Variants in ARHGAP26 observed in about 807,000 individuals in gnomAD.
ARHGAP26 encodes the protein Rho GTPase activating protein 26.
Under a neutral mutation model 104.8 loss-of-function variants are expected in ARHGAP26, and 38 were observed. That is an observed-to-expected ratio of 0.36 (90% confidence interval 0.28 to 0.48). The LOEUF is 0.48. Ranked by LOEUF, ARHGAP26 falls within the 20% of genes least tolerant of loss-of-function variation. ARHGAP26 has a pLI of 0.99. For missense variants in ARHGAP26, 704 were observed against 947.9 expected, an observed-to-expected ratio of 0.74 and a Z score of 3.38; for synonymous variants, 341 against 340.0, an observed-to-expected ratio of 1.00 and a Z score of -0.03.
At chr5:143,064,399 C>CTT (rs764782489) in intron 17 of ARHGAP26, among the ~76,000 whole-genome samples, 35 of 138,414 alleles carry the variant, frequency 2.5e-4, no homozygotes, top group Middle Eastern at 3.8e-3. Context: ...TTGACTGGCT[C>CTT]TTTTTTTTTT....
intron 11 of ARHGAP26, among the ~76,000 whole-genome samples, chr5:142,967,217 C>T (rs1252410764): frequency 2.6e-5 from 4 of 152,102 alleles, no homozygotes; most frequent in South Asian, 2.1e-4. Flanking sequence ...AAATTGACCA[C>T]ATATGTATAA....
chr5:142,869,844 A>C (rs1228391533), intron 1 of ARHGAP26, among the ~76,000 whole-genome samples: 1 of 152,188 alleles, frequency 6.6e-6, no homozygotes, highest in Non-Finnish European at 1.5e-5. Context: ...CTCCAAGAAA[A>C]GAAGGGCACT....
intron 17 of ARHGAP26, among the ~76,000 whole-genome samples, chr5:143,077,700 C>T (rs1460936315): frequency 1.3e-5 from 2 of 152,218 alleles, no homozygotes; most frequent in Non-Finnish European, 2.9e-5. Flanking sequence ...TGGAAAGTCT[C>T]TCTTGAGGAT....
chr5:142,926,517 T>A (rs1384637398), intron 10 of ARHGAP26, among the ~76,000 whole-genome samples: 2 of 152,222 alleles, frequency 1.3e-5, no homozygotes, highest in African/African-American at 2.4e-5. Flanking sequence ...TGGCAGATTT[T>A]TTAGAATTTG....
chr5:142,860,182 A>G (rs1369061370), intron 1 of ARHGAP26: 1 of 152,224 alleles, frequency 6.6e-6, no homozygotes, highest in African/African-American at 2.4e-5. Flanking sequence ...ACAAGTTCAA[A>G]GATAAAATTA....
chr5:142,895,184 T>C (rs1163898193), intron 6 of ARHGAP26, among the ~76,000 whole-genome samples: 2 of 152,210 alleles, frequency 1.3e-5, no homozygotes, highest in East Asian at 3.8e-4. Context: ...GGCATCTCTG[T>C]ACAAATAAGA....
chr5:143,032,096 A>C (rs947690687), intron 12 of ARHGAP26, among the ~76,000 whole-genome samples: 1 of 152,218 alleles, frequency 6.6e-6, no homozygotes, highest in African/African-American at 2.4e-5. Flanking sequence ...CTACCCTAGC[A>C]TGCTGCTTTC....
At chr5:143,031,651 C>T (rs972251039) in intron 12 of ARHGAP26, among the ~76,000 whole-genome samples, 1 of 150,924 alleles carries the variant, frequency 6.6e-6, no homozygotes, top group Non-Finnish European at 1.5e-5. Flanking sequence ...CAGGACATGG[C>T]GTTGACCTTA....
At chr5:142,816,175 A>G (rs1332326579) in intron 1 of ARHGAP26, among the ~76,000 whole-genome samples, 3 of 152,176 alleles carry the variant, frequency 2.0e-5, no homozygotes, top group African/African-American at 7.2e-5. Context: ...TCATTTGGGT[A>G]CAATTTGATT....
intron 17 of ARHGAP26, among the ~76,000 whole-genome samples, chr5:143,075,568 G>A (rs2150401756): frequency 6.6e-6 from 1 of 152,238 alleles, no homozygotes; most frequent in Non-Finnish European, 1.5e-5. Flanking sequence ...GTGGGGATAG[G>A]CATGACATGC....
chr5:142,772,027 T>G (rs568406026), intron 1 of ARHGAP26, among the ~76,000 whole-genome samples: 6 of 152,248 alleles, frequency 3.9e-5, no homozygotes, highest in South Asian at 4.1e-4. Flanking sequence ...CTGTATCTGT[T>G]TCTGTGATGG....
At chr5:143,216,110 A>G in intron 22 of ARHGAP26, 1 of 466,784 alleles carries the variant, frequency 2.1e-6, no homozygotes, top group Admixed American at 2.4e-5. Flanking sequence ...GCAGTAGCTT[A>G]AATAGTTAAG....
chr5:142,847,254 C>T (rs1772166635), intron 1 of ARHGAP26, among the ~76,000 whole-genome samples: 1 of 152,122 alleles, frequency 6.6e-6, no homozygotes, highest in Admixed American at 6.5e-5. Flanking sequence ...TTTAAAATTA[C>T]TATTATTAGG....
chr5:142,871,441 G>C lies in ARHGAP26; in HGVS notation c.155-1959G>C, dbSNP rs1349758807. Reference sequence around the variant, plus strand: ...AGATGATTGAGTTTCTCTTGCTTATGGGGGAGGCACAGGATTGTCGGGTGG... The same window carrying C: ...AGATGATTGAGTTTCTCTTGCTTATCGGGGAGGCACAGGATTGTCGGGTGG... On this transcript the variant is annotated intron_variant, in intron 1 of 22. Coordinates refer to ENST00000645722, the MANE Select transcript of ARHGAP26 (RefSeq NM_001135608.3). The surrounding 1 kb of genome is among the most constrained non-coding windows in gnomAD (Gnocchi z 4.1). Among the ~76,000 whole-genome samples, 1 of 152,190 alleles carries C rather than the reference G, an allele frequency of 6.6e-6. No individual in the cohort carries two copies. The highest frequency in any genetic ancestry group is 2.4e-5 in the African/African-American group (1 of 41,436).
intron 17 of ARHGAP26, among the ~76,000 whole-genome samples, chr5:143,103,989 G>A (rs1437278987): frequency 6.6e-6 from 1 of 150,678 alleles, no homozygotes; most frequent in Non-Finnish European, 1.5e-5. Flanking sequence ...CTTAGAAAAG[G>A]AGATCCTGCT....
chr5:143,140,432 CA>C (rs1363779374), intron 19 of ARHGAP26, among the ~76,000 whole-genome samples: 1 of 152,156 alleles, frequency 6.6e-6, no homozygotes, highest in Non-Finnish European at 1.5e-5. Flanking sequence ...TAAAATCTAT[CA>C]CTAATAATAG....
At chr5:142,985,026 GA>G (rs1774466529) in intron 11 of ARHGAP26, among the ~76,000 whole-genome samples, 1 of 152,116 alleles carries the variant, frequency 6.6e-6, no homozygotes, top group East Asian at 1.9e-4. Flanking sequence ...TACTGCTCCT[GA>G]AGACCTTACA....
intron 17 of ARHGAP26, among the ~76,000 whole-genome samples, chr5:143,076,813 C>G (rs1789102182): frequency 6.6e-6 from 1 of 152,132 alleles, no homozygotes; most frequent in Admixed American, 6.5e-5. Context: ...GAGGTAAAAA[C>G]TAGTTCATCT....
chr5:143,017,702 A>T (rs771051367), intron 12 of ARHGAP26, among the ~76,000 whole-genome samples: 1 of 152,212 alleles, frequency 6.6e-6, no homozygotes, highest in South Asian at 2.1e-4. Context: ...GTGTCCTTTT[A>T]TGCTGTGGCT....
Sources: gnomAD v4.1 joint callset for allele counts (sites outside exome capture counted in the v4.1 genomes callset) on GRCh38, gnomAD v4.1.1 for gene constraint, Gnocchi (gnomAD v3.1) non-coding constraint, MANE v1.5 for transcripts, NCBI Gene and HGNC (gene_info 2026-07-23, HGNC 2026-07-21) for gene names.